The following CD320 variants were observed in gnomAD, a reference collection of about 807,000 sequenced individuals.
CD320 encodes CD320 antigen.
In CD320, 16 loss-of-function variants were observed where a neutral mutation model predicts 22.1. The ratio of observed to expected loss-of-function variants is 0.73; its 90% confidence interval spans 0.49 to 1.10. The LOEUF (loss-of-function observed/expected upper bound fraction) is 1.10. Among genes scored for constraint, CD320 ranks in the 50% least tolerant of loss-of-function variants. The probability of loss-of-function intolerance (pLI) is 0.00; values close to 1 mark genes in which losing one functional copy is unlikely to be tolerated. For synonymous variants in CD320, 188 were observed against 167.8 expected (o/e 1.12, Z -0.93); for missense variants, 388 against 376.9 (o/e 1.03, Z -0.24).
rs755053503 is a variant in CD320 at position 8,302,324 on chromosome 19, G to C, written c.*139C>G. On this transcript the variant is annotated 3_prime_UTR_variant, in exon 5 of 5. Transcript: ENST00000301458. ...AATCTCCAGGGCCACTTCTGCAGGA[G>C]CTCGGGTTCGAGGTTCCACGTGGCC... 11 of 1,044,486 alleles carry C rather than the reference G, an allele frequency of 1.1e-5. No homozygotes were observed. The highest frequency in any genetic ancestry group is 1.6e-5 in the Non-Finnish European group (11 of 674,962). The allele number at this position is 1,044,486 out of a possible 1,614,324, so 64.7% of individuals were successfully genotyped here.
intron 1 of CD320, among the ~76,000 whole-genome samples, chr19:8,307,647 T>C (rs1016921057): frequency 1.3e-5 from 2 of 151,832 alleles, no homozygotes; most frequent in African/African-American, 2.4e-5. Context: ...TGCAGTAGCA[T>C]GGGGGGGAGA....
At chr19:8,304,767 A>G (rs899288141) in intron 2 of CD320, 5 of 474,914 alleles carry the variant, frequency 1.1e-5, no homozygotes, top group Admixed American at 6.7e-5. Context: ...GCACAATCCT[A>G]GCTCACTGCA....
At position 8,302,247 on chromosome 19, in the gene CD320, G is replaced by A; in HGVS notation, c.*216C>T. The A allele has an allele frequency of 4.2e-6, 3 of 706,748 alleles. No homozygotes were observed. Among genetic ancestry groups the A allele is most frequent in the Non-Finnish European group, 5.1e-6 (2 of 392,114 alleles). 43.8% of individuals were successfully genotyped at this position (706,748 alleles called of 1,614,324 possible). The stretch of plus-strand genomic sequence containing the variant: ...CAGCCCCTCAGTTCTGGCTGTGGCA[G>A]GTTCCCCATCCTAGCTCCCCGGATC... On this transcript the variant is annotated 3_prime_UTR_variant, in exon 5 of 5. Transcript: ENST00000301458.
chr19:8,305,324 T>G (rs1599623150), intron 1 of CD320, 168 bp from the exon 2 acceptor site: 1 of 758,722 alleles, frequency 1.3e-6, no homozygotes, highest in Non-Finnish European at 2.1e-6. Context: ...GGGTTCAGAG[T>G]GTAGCAGTTC....
At position 8,305,076 on chromosome 19, in the gene CD320, C is replaced by A. The variant is rs1244623949; in HGVS notation, c.223G>T (p.Asp75Tyr). The change falls in exon 2 of 5, where the codon GAC (aspartate) becomes TAC (tyrosine). Residue 75 changes from aspartate (D) to tyrosine (Y), a missense_variant. Asp to Tyr is a radical substitution (Grantham distance 160, BLOSUM62 -3). Coordinates refer to ENST00000301458, the MANE Select transcript of CD320 (RefSeq NM_016579.4). ...GLCVPLTWRCDRDLDCSDGSD... is the reference protein window; with the variant it reads ...GLCVPLTWRCYRDLDCSDGSD... ...CCATCGCTGCAGTCCAAGTCCCTGT[C>A]GCAGCGCCAGGTGAGGGGCACGCAT... The A allele has an allele frequency of 6.2e-7, 1 of 1,612,454 alleles. No individual in the cohort carries two copies.
chr19:8,308,084 C>A (rs967801216), intron 1 of CD320, 65 bp downstream of exon 1: 3 of 1,397,526 alleles, frequency 2.1e-6, no homozygotes, highest in South Asian at 1.5e-5. Context: ...TAGGCGTTGT[C>A]GGTGCGCGGC....
rs763334289 is a variant in CD320, at chr19:8,302,456, CTT to C, written c.*5_*6del. ...GGCTGAGTGACGGTGGTGGCAAGTG[CTT>C]GTCCTCAGGGCAGCGAGGTCTTCTG... On this transcript the variant is annotated 3_prime_UTR_variant, in exon 5 of 5. Coordinates refer to ENST00000301458, the MANE Select transcript of CD320 (RefSeq NM_016579.4). 7.9e-5 allele frequency: 127 copies of C among 1,614,112 alleles called. 5 individuals are homozygous for C. In the South Asian group the frequency reaches 1.3e-3, roughly 16 times the overall value.
rs538500401 is a variant in CD320, at chr19:8,307,245, T to C, written c.142+904A>G. Among the ~76,000 whole-genome samples the C allele has an allele frequency of 2.1e-3, 315 of 150,906 alleles. 1 individual carries two copies. Among genetic ancestry groups the C allele is most frequent in the Non-Finnish European group, 3.6e-3 (244 of 67,872 alleles). On this transcript the variant is annotated intron_variant, in intron 1 of 4. Transcript: ENST00000301458. ...AGGCGGAGGGTGCAGTGAGCCAACA[T>C]TGCACTGCACTCCAGCCAGGGCGAC...
At chr19:8,304,265 C>G (rs1043798225) in intron 2 of CD320, among the ~76,000 whole-genome samples, 177 bp from the exon 3 acceptor site, 1 of 152,224 alleles carries the variant, frequency 6.6e-6, no homozygotes, top group Admixed American at 6.5e-5. Flanking sequence ...ACAGGCCTCC[C>G]TGCAAGCTCT....
chr19:8,304,644 C>A, intron 2 of CD320: 7 of 241,310 alleles, frequency 2.9e-5, no homozygotes, highest in South Asian at 1.5e-4. Flanking sequence ...TACCTGGCTC[C>A]CTCCCTCTCT....
chr19:8,308,340 T>C lies in CD320; in HGVS notation c.-50A>G, dbSNP rs1970130109. 6.4e-7 allele frequency: 1 copy of C among 1,566,134 alleles called. No individual in the cohort carries two copies. Among genetic ancestry groups the C allele is most frequent in the Admixed American group, 1.8e-5 (1 of 55,752 alleles). On this transcript the variant is annotated 5_prime_UTR_variant, in exon 1 of 5. Transcript: ENST00000301458. ...ACGCGCTGTCCAGACCGCTCTCTTA[T>C]CCCTGCGCACGCGCACGCGCGGGGT...
intron 1 of CD320, chr19:8,306,024 C>T (rs1465312476): frequency 6.6e-6 from 1 of 152,272 alleles, no homozygotes; most frequent in Admixed American, 6.6e-5. Context: ...GAATTCCTCC[C>T]AGACCTATCA....
intron 1 of CD320, 29 bp downstream of exon 1, chr19:8,308,119 TG>T: frequency 6.8e-7 from 1 of 1,466,188 alleles, no homozygotes. Context: ...TCGCGAGGGG[TG>T]GGAGCCCGCG....
In CD320 at chr19:8,302,811, T is replaced by C. The variant is rs147690674; in HGVS notation, c.672A>G (p.Gly224=). Reference sequence around the variant, plus strand: ...CAATAACCCCATAGGCAGTTGGGCTTCCAGACTGGTCTCCGGCAGAGGAGG... The same window carrying C: ...CAATAACCCCATAGGCAGTTGGGCTCCCAGACTGGTCTCCGGCAGAGGAGG... ...ATSSSAGDQS[G]SPTAYGVIAA... The change falls in exon 4 of 5, where the codon GGA becomes GGG. Residue 224 remains glycine, a synonymous_variant. Transcript: ENST00000301458. 1.9e-5 allele frequency: 31 copies of C among 1,613,986 alleles called. No homozygotes were observed. Among genetic ancestry groups the C allele is most frequent in the East Asian group, 6.7e-5 (3 of 44,874 alleles).
chr19:8,305,396 C>T, intron 1 of CD320: 1 of 468,398 alleles, frequency 2.1e-6, no homozygotes, highest in South Asian at 2.0e-5. Flanking sequence ...GAGAAAGGAA[C>T]CAAGAGGAGG....
intron 2 of CD320, 73 bp downstream of exon 2, chr19:8,304,958 C>A: frequency 6.4e-7 from 1 of 1,560,250 alleles, no homozygotes; most frequent in East Asian, 2.3e-5. Flanking sequence ...TCCACCTCCG[C>A]GTGCCTGGCC....
intron 1 of CD320, chr19:8,305,365 T>C: frequency 3.7e-6 from 2 of 545,042 alleles, no homozygotes; most frequent in Non-Finnish European, 6.6e-6. Context: ...GGGCAGGTGC[T>C]ACTGCACTCC....
intron 1 of CD320, 111 bp downstream of exon 1, chr19:8,308,038 G>A: frequency 9.3e-7 from 1 of 1,079,336 alleles, no homozygotes; most frequent in Non-Finnish European, 1.3e-6. Context: ...CGTGCTGGGG[G>A]AGTGTCATGA....
In CD320 at chr19:8,305,171, C is replaced by CA. The variant is rs1970071068; in HGVS notation, c.143-16dup. The CA allele has an allele frequency of 6.3e-7, 1 of 1,584,098 alleles. No homozygotes were observed. Among genetic ancestry groups the CA allele is most frequent in the Non-Finnish European group, 8.6e-7 (1 of 1,165,490 alleles). On this transcript the variant is annotated splice_polypyrimidine_tract_variant and intron_variant, in intron 1 of 4. Transcript: ENST00000301458. ...TGAGCTGGGGCCTGCGAGATGGATG[C>CA]AAATGAAGCCTGGGAAGCTGGAGGC...
Sources: gnomAD v4.1 joint callset for allele counts (sites outside exome capture counted in the v4.1 genomes callset) on GRCh38, gnomAD v4.1.1 for gene constraint, MANE v1.5 for transcripts, NCBI Gene and HGNC (gene_info 2026-07-23, HGNC 2026-07-21) for gene names.